The following BPIFB1 variants were observed in gnomAD, a reference collection of about 807,000 sequenced individuals.
BPIFB1 encodes BPI fold-containing family B member 1.
Under a neutral mutation model 55.1 loss-of-function variants are expected in BPIFB1, and 34 were observed. The observed-to-expected ratio is 0.62, with a 90% CI of 0.47 to 0.82. The LOEUF (loss-of-function observed/expected upper bound fraction) is 0.82. Among genes scored for constraint, BPIFB1 ranks in the 40% least tolerant of loss-of-function variants. The pLI, the probability that BPIFB1 is intolerant of heterozygous loss-of-function variation, is 0.00. For synonymous variants in BPIFB1, 236 were observed against 245.3 expected (o/e 0.96, Z 0.35); for missense variants, 532 against 593.1 (o/e 0.90, Z 1.07).
Position 33,290,889 on chromosome 20 carries a change from C to T in BPIFB1, c.366-68C>T, listed in dbSNP as rs1307018243. The stretch of plus-strand genomic sequence containing the variant: ...GGAGGTGAGGGCTGGAAGACAGAGA[C>T]GGACGGCAGGGTTGCTCCAGCCCGA... On this transcript the variant is annotated intron_variant, in intron 4 of 15. Coordinates refer to ENST00000253354, the MANE Select transcript of BPIFB1 (RefSeq NM_033197.3). 45 of 1,554,240 alleles carry T rather than the reference C, an allele frequency of 2.9e-5. 1 individual carries two copies. The highest frequency in any genetic ancestry group is 8.1e-5 in the South Asian group (7 of 86,092).
chr20:33,304,390 G>A (rs1043043338), intron 12 of BPIFB1, among the ~76,000 whole-genome samples: 13 of 152,172 alleles, frequency 8.5e-5, no homozygotes, highest in African/African-American at 3.1e-4. Context: ...TGAGTGCAGG[G>A]GCTGCCAGCT....
chr20:33,283,500 A>G (rs1365120554), intron 1 of BPIFB1, among the ~76,000 whole-genome samples: 2 of 152,178 alleles, frequency 1.3e-5, no homozygotes, highest in East Asian at 3.9e-4. Context: ...TCCTAGTGAC[A>G]TAAACCCACT....
Position 33,299,859 on chromosome 20 carries a change from C to T in BPIFB1, c.662-40C>T, listed in dbSNP as rs750602095. 1.2e-5 allele frequency: 19 copies of T among 1,580,140 alleles called. No individual in the cohort carries two copies. The Admixed American group carries it at 3.0e-4, about 25-fold the overall frequency. On this transcript the variant is annotated intron_variant, in intron 7 of 15. Coordinates refer to ENST00000253354, the MANE Select transcript of BPIFB1 (RefSeq NM_033197.3). ...CCCCCAACTTCCCCCTCCAATACTG[C>T]CCTCCACCCTCACAGAACTTTCTTC...
At chr20:33,295,687 A>G (rs1446458968) in intron 6 of BPIFB1, among the ~76,000 whole-genome samples, 1 of 146,542 alleles carries the variant, frequency 6.8e-6, no homozygotes, top group Non-Finnish European at 1.5e-5. Context: ...AAAGAGAGAA[A>G]AAAAGGGAGA....
chr20:33,306,629 C>T (rs1015529011), intron 14 of BPIFB1: 1 of 447,178 alleles, frequency 2.2e-6, no homozygotes, highest in African/African-American at 2.0e-5. Context: ...AGTATAGAAA[C>T]CTCTGCTGGG....
rs1193195993 is a variant in BPIFB1, at chr20:33,309,112, A to C, written c.1396-596A>C. ...TCAATAAATGCTTGGTGAGCAAATG[A>C]CTCTCCGTGGCATCTGCTGGGGAGA... On this transcript the variant is annotated intron_variant, in intron 15 of 15. Transcript: ENST00000253354. This position sits in a 1 kb window ranked among gnomAD's most constrained non-coding sequence, Gnocchi z 4.4. Among the ~76,000 whole-genome samples, 1 of 151,810 alleles carries C rather than the reference A, an allele frequency of 6.6e-6. No homozygotes were observed. The highest frequency in any genetic ancestry group is 1.5e-5 in the Non-Finnish European group (1 of 67,958).
intron 1 of BPIFB1, 106 bp from the exon 2 acceptor site, chr20:33,285,927 A>T: frequency 3.0e-6 from 2 of 665,098 alleles, no homozygotes; most frequent in Non-Finnish European, 5.2e-6. Context: ...CCAGGCAGTT[A>T]AACACTGCAC....
chr20:33,286,223 G>A, intron 2 of BPIFB1, 35 bp downstream of exon 2: 2 of 1,586,236 alleles, frequency 1.3e-6, no homozygotes, highest in South Asian at 1.1e-5. Flanking sequence ...GCTGCCATAA[G>A]ACAAGGGGGT....
Position 33,304,883 on chromosome 20 carries a change from T to C in BPIFB1, c.1246T>C (p.Trp416Arg). The C allele has an allele frequency of 1.2e-6, 2 of 1,614,184 alleles. No homozygotes were observed. The highest frequency in any genetic ancestry group is 1.7e-6 in the Non-Finnish European group (2 of 1,180,002). ...CCAGCTGATGAACTCTGGGATTGGCTGGTTCCAAGTAAGTGTTAACAGGTG... is the reference window on the plus strand; with the variant it reads ...CCAGCTGATGAACTCTGGGATTGGCCGGTTCCAAGTAAGTGTTAACAGGTG... Reference protein sequence around the residue: ...RIQLMNSGIGWFQPDVLKNII... With the variant: ...RIQLMNSGIGRFQPDVLKNII... The change falls in exon 13 of 16, where the codon TGG (tryptophan) becomes CGG (arginine). Residue 416 changes from tryptophan (W) to arginine (R), a missense_variant. Coordinates refer to ENST00000253354, the MANE Select transcript of BPIFB1 (RefSeq NM_033197.3).
At chr20:33,291,764 C>A in intron 5 of BPIFB1, 143 bp from the exon 6 acceptor site, 1 of 694,576 alleles carries the variant, frequency 1.4e-6, no homozygotes, top group Non-Finnish European at 2.5e-6. Context: ...TCAGGGGCTA[C>A]TCCCAGCCCC....
At chr20:33,304,210 G>A (rs1980944359) in intron 12 of BPIFB1, among the ~76,000 whole-genome samples, 185 bp downstream of exon 12, 1 of 152,206 alleles carries the variant, frequency 6.6e-6, no homozygotes, top group African/African-American at 2.4e-5. Flanking sequence ...GGAAAATGAA[G>A]TAGGCCTTGC....
At position 33,306,895 on chromosome 20, in the gene BPIFB1, A is replaced by G; in HGVS notation, c.1319-16A>G. 1 of 1,610,652 alleles carries G rather than the reference A, an allele frequency of 6.2e-7. No individual in the cohort carries two copies. Among genetic ancestry groups the G allele is most frequent in the South Asian group, 1.1e-5 (1 of 91,020 alleles). On this transcript the variant is annotated splice_polypyrimidine_tract_variant and intron_variant, in intron 14 of 15. Coordinates refer to ENST00000253354, the MANE Select transcript of BPIFB1 (RefSeq NM_033197.3). ...ACCCCAGGCCCATCAGTTTCTGACCACATTTGTTATTTCAGGCAAATTAAG... is the reference window on the plus strand; with the variant it reads ...ACCCCAGGCCCATCAGTTTCTGACCGCATTTGTTATTTCAGGCAAATTAAG...
chr20:33,303,995 A>T lies in BPIFB1; in HGVS notation c.1178A>T (p.Asp393Val). 1 of 1,613,736 alleles carries T rather than the reference A, an allele frequency of 6.2e-7. No individual in the cohort carries two copies. Among genetic ancestry groups the T allele is most frequent in the Non-Finnish European group, 8.5e-7 (1 of 1,179,910 alleles). ...SSEAQFYTKG[D>V]QLILNLNNIS... ...GAAGCTCAGTTTTACACCAAAGGTG[A>T]CCAACTTATACTCAACTTGAATAAC... The change falls in exon 12 of 16, where the codon GAC becomes GTC. Residue 393 changes from aspartate (D) to valine (V), a missense_variant. Coordinates refer to ENST00000253354, the MANE Select transcript of BPIFB1 (RefSeq NM_033197.3).
intron 6 of BPIFB1, among the ~76,000 whole-genome samples, chr20:33,293,667 C>T (rs1166299907): frequency 1.3e-5 from 2 of 152,082 alleles, no homozygotes; most frequent in South Asian, 2.1e-4. Context: ...AGAAACCCAT[C>T]TCTACAGAAA....
At position 33,288,844 on chromosome 20, in the gene BPIFB1, G is replaced by A; in HGVS notation, c.219G>A (p.Leu73=). 2 of 1,613,862 alleles carry A rather than the reference G, an allele frequency of 1.2e-6. No homozygotes were observed. The highest frequency in any genetic ancestry group is 1.7e-6 in the Non-Finnish European group (2 of 1,179,996). ...AGCCAGCCGGAGGCATCCCTGTGCTGGGCAGCCTGGTGAACACCGTCCTGA... is the reference window on the plus strand; with the variant it reads ...AGCCAGCCGGAGGCATCCCTGTGCTAGGCAGCCTGGTGAACACCGTCCTGA... ...REKPAGGIPV[L]GSLVNTVLKH... is the part of the protein sequence containing the mutation. Residue 73 remains leucine, a synonymous_variant, in exon 3 of 16, where the codon CTG becomes CTA. Coordinates refer to ENST00000253354, the MANE Select transcript of BPIFB1 (RefSeq NM_033197.3).
At chr20:33,305,831 C>G (rs1981006738) in intron 13 of BPIFB1, among the ~76,000 whole-genome samples, 171 bp from the exon 14 acceptor site, 1 of 152,094 alleles carries the variant, frequency 6.6e-6, no homozygotes, top group Non-Finnish European at 1.5e-5. Context: ...TGCCCCAACC[C>G]AGCCCATCTG....
At chr20:33,284,315 C>T (rs77888517) in intron 1 of BPIFB1, among the ~76,000 whole-genome samples, 1 of 152,356 alleles carries the variant, frequency 6.6e-6, no homozygotes, top group East Asian at 1.9e-4. Flanking sequence ...TTTTCCCCTC[C>T]ACCTTCAGGC....
At chr20:33,303,410 T>C (rs988247517) in intron 11 of BPIFB1, among the ~76,000 whole-genome samples, 1 of 152,212 alleles carries the variant, frequency 6.6e-6, no homozygotes, top group Non-Finnish European at 1.5e-5. Flanking sequence ...CTCTCCCACC[T>C]AGCAGCCTTG....
At chr20:33,307,309 A>C (rs1981064493) in intron 15 of BPIFB1, 1 of 281,378 alleles carries the variant, frequency 3.6e-6, no homozygotes, top group African/African-American at 2.2e-5. Flanking sequence ...GGCCACCGAA[A>C]TGAACAAATG....
Sources: gnomAD v4.1 joint callset for allele counts (sites outside exome capture counted in the v4.1 genomes callset) on GRCh38, gnomAD v4.1.1 for gene constraint, Gnocchi (gnomAD v3.1) non-coding constraint, MANE v1.5 for transcripts, NCBI Gene and HGNC (gene_info 2026-07-23, HGNC 2026-07-21) for gene names.